Variants in CDCA7L observed in about 807,000 individuals in gnomAD.
CDCA7L encodes the protein cell division cycle associated 7 like, also known as cell division cycle-associated 7-like protein.
In CDCA7L, 44 loss-of-function variants were observed where a neutral mutation model predicts 57.4. That is an observed-to-expected ratio of 0.77 (90% CI 0.60 to 0.98). The LOEUF is 0.98. Among genes scored for constraint, CDCA7L ranks in the 50% least tolerant of loss-of-function variants. CDCA7L has a pLI of 0.00. For missense variants in CDCA7L, 644 were observed against 580.6 expected, an observed-to-expected ratio of 1.11 and a Z score of -1.12; for synonymous variants, 236 against 202.8, an observed-to-expected ratio of 1.16 and a Z score of -1.39.
intron 2 of CDCA7L, among the ~76,000 whole-genome samples, chr7:21,912,416 T>C (rs1268619113): frequency 1.3e-5 from 2 of 152,154 alleles, no homozygotes; most frequent in Non-Finnish European, 2.9e-5. Context: ...CAGCTTCTAA[T>C]GTGACTGGTA....
chr7:21,929,631 C>CAAAAAAAAAAAAAAAAAAAAAAAA (rs57283961), intron 1 of CDCA7L, among the ~76,000 whole-genome samples: 1 of 35,510 alleles, frequency 2.8e-5, no homozygotes, highest in African/African-American at 1.5e-4. Context: ...AAATGGAAAG[C>CAAAAAAAAAAAAAAAAAAAAAAAA]AAAAAAAAAA....
chr7:21,934,908 T>C (rs1303601898), intron 1 of CDCA7L, among the ~76,000 whole-genome samples: 2 of 151,580 alleles, frequency 1.3e-5, no homozygotes, highest in Non-Finnish European at 2.9e-5. Flanking sequence ...AGATCCCAAA[T>C]ATATGAAGCA....
intron 1 of CDCA7L, among the ~76,000 whole-genome samples, chr7:21,936,063 T>C (rs1209981696): frequency 6.6e-6 from 1 of 152,072 alleles, no homozygotes; most frequent in East Asian, 1.9e-4. Flanking sequence ...AACAACCGTA[T>C]GCCAACAAAT....
chr7:21,908,579 C>G, intron 3 of CDCA7L, 72 bp from the exon 4 acceptor site: 1 of 1,374,478 alleles, frequency 7.3e-7, no homozygotes, highest in Non-Finnish European at 9.6e-7. Flanking sequence ...GCATTTAAAA[C>G]AACTGACAGC....
At chr7:21,925,508 G>T (rs1237242359) in intron 1 of CDCA7L, among the ~76,000 whole-genome samples, 1 of 152,132 alleles carries the variant, frequency 6.6e-6, no homozygotes, top group African/African-American at 2.4e-5. Context: ...TAAATACAGT[G>T]CAATTTCAAG....
At chr7:21,945,660 GCCAGATCC>G in intron 1 of CDCA7L, 113 bp downstream of exon 1, 4 of 1,274,240 alleles carry the variant, frequency 3.1e-6, no homozygotes, top group Non-Finnish European at 4.4e-6. Context: ...GGCTGGGCGC[GCCAGATCC>G]CCAGTGCCGC....
At chr7:21,914,526 A>G (rs1785424402) in intron 2 of CDCA7L, among the ~76,000 whole-genome samples, 1 of 152,186 alleles carries the variant, frequency 6.6e-6, no homozygotes, top group Admixed American at 6.5e-5. Context: ...AGGCTAGAAA[A>G]ATGGTGAGAG....
rs1210596614 is a variant in CDCA7L at position 21,907,351 on chromosome 7, GTAATTTATAT to G, written c.682-722_682-713del. On this transcript the variant is annotated intron_variant, in intron 4 of 9. Transcript: ENST00000406877. ...GAAAGTAGGCATTCCATTTTTGTAA[GTAATTTATAT>G]TAGACATATAAGCTTGCATATACAG... 2.0e-5 allele frequency among the ~76,000 whole-genome samples: 3 copies of G among 152,050 alleles called. No individual in the cohort carries two copies. In the East Asian group the frequency reaches 5.8e-4, roughly 29 times the overall value.
intron 1 of CDCA7L, among the ~76,000 whole-genome samples, chr7:21,942,855 G>C (rs1194899994): frequency 6.6e-6 from 1 of 152,160 alleles, no homozygotes; most frequent in Non-Finnish European, 1.5e-5. Context: ...CTGGGGCTCT[G>C]GAATTACATG....
chr7:21,920,972 C>T (rs950435532), intron 1 of CDCA7L, among the ~76,000 whole-genome samples: 2 of 152,168 alleles, frequency 1.3e-5, no homozygotes, highest in African/African-American at 4.8e-5. Flanking sequence ...CCAGAAGCTT[C>T]TTTTAACATA....
At position 21,904,201 on chromosome 7, in the gene CDCA7L, T is replaced by C. The variant is rs1785053782; in HGVS notation, c.1106A>G (p.Asn369Ser). ...KTIDTKTVCR[N>S]QGCCGVRGQF... ...TCCTCGCACACCACAGCAACCCTGG[T>C]TCCGACACACTGTCTTGGTGTCGAT... The change falls in exon 8 of 10, where the codon AAC (asparagine) becomes AGC (serine). Residue 369 changes from asparagine (N) to serine (S), a missense_variant. Asn to Ser is a conservative substitution (Grantham distance 46). Coordinates refer to ENST00000406877, the MANE Select transcript of CDCA7L (RefSeq NM_018719.5). The C allele has an allele frequency of 1.2e-6, 2 of 1,613,730 alleles. No individual in the cohort carries two copies. Among genetic ancestry groups the C allele is most frequent in the East Asian group, 2.2e-5 (1 of 44,874 alleles).
intron 7 of CDCA7L, 91 bp downstream of exon 7, chr7:21,905,415 G>A (rs144149479): frequency 1.4e-6 from 2 of 1,392,378 alleles, no homozygotes; most frequent in Non-Finnish European, 2.0e-6. Flanking sequence ...TGGTGAGATG[G>A]CATAAGCCCT....
intron 6 of CDCA7L, 147 bp downstream of exon 6, chr7:21,906,142 C>T: frequency 1.4e-6 from 1 of 718,578 alleles, no homozygotes; most frequent in Non-Finnish European, 2.3e-6. Flanking sequence ...GCAATGGCAT[C>T]ACCTGGGAAG....
intron 2 of CDCA7L, among the ~76,000 whole-genome samples, chr7:21,914,754 TCA>T (rs1785430109): frequency 6.6e-6 from 1 of 152,184 alleles, no homozygotes; most frequent in South Asian, 2.1e-4. Flanking sequence ...TTCCTGAACG[TCA>T]GTTTCATCAC....
intron 1 of CDCA7L, among the ~76,000 whole-genome samples, chr7:21,918,039 C>T (rs1217541211): frequency 3.0e-5 from 3 of 98,746 alleles, no homozygotes; most frequent in Non-Finnish European, 5.7e-5. Context: ...TGTAGAATGT[C>T]ATGTATTCTG....
At chr7:21,927,870 G>C (rs1785875688) in intron 1 of CDCA7L, among the ~76,000 whole-genome samples, 1 of 152,242 alleles carries the variant, frequency 6.6e-6, no homozygotes, top group Admixed American at 6.5e-5. Context: ...CCTGGGAAAG[G>C]CGTGGCTGTG....
chr7:21,915,365 G>A (rs1262232166), intron 2 of CDCA7L, among the ~76,000 whole-genome samples: 5 of 152,170 alleles, frequency 3.3e-5, no homozygotes, highest in African/African-American at 1.2e-4. Context: ...GGGCTGGAGA[G>A]AGAAGACAAG....
chr7:21,915,411 A>G (rs1441484324), intron 2 of CDCA7L, among the ~76,000 whole-genome samples: 1 of 151,828 alleles, frequency 6.6e-6, no homozygotes, highest in African/African-American at 2.4e-5. Context: ...TCAAAGCAGG[A>G]CAACAGACAA....
intron 1 of CDCA7L, among the ~76,000 whole-genome samples, chr7:21,930,960 C>A (rs1479770272): frequency 1.3e-5 from 2 of 152,058 alleles, no homozygotes; most frequent in Non-Finnish European, 2.9e-5. Context: ...CACCACTGAT[C>A]CAACAGAAAT....
Sources: allele counts gnomAD v4.1 joint callset (sites outside exome capture counted in the v4.1 genomes callset), GRCh38; gene constraint gnomAD v4.1.1; transcripts MANE v1.5; gene names NCBI Gene and HGNC (gene_info 2026-07-23, HGNC 2026-07-21).